The following UBE2N variants were observed in gnomAD, a reference collection of about 807,000 sequenced individuals.
UBE2N encodes the protein ubiquitin-conjugating enzyme E2 N.
For missense variants in UBE2N, 60 were observed against 192.1 expected, an observed-to-expected ratio of 0.31 and a Z score of 4.07; for synonymous variants, 70 against 69.2, an observed-to-expected ratio of 1.01 and a Z score of -0.06.
At chr12:93,414,966 T>G (rs991566181) in intron 1 of UBE2N, among the ~76,000 whole-genome samples, 2 of 152,246 alleles carry the variant, frequency 1.3e-5, no homozygotes, top group Non-Finnish European at 2.9e-5. Context: ...ATTCTGAATC[T>G]ATTTGATGTT....
chr12:93,430,057 C>T (rs1878714074), intron 1 of UBE2N, among the ~76,000 whole-genome samples: 1 of 152,198 alleles, frequency 6.6e-6, no homozygotes, highest in South Asian at 2.1e-4. Context: ...TCACCACTCA[C>T]TCACCCAGGG....
intron 1 of UBE2N, among the ~76,000 whole-genome samples, chr12:93,426,112 T>C (rs1176415093): frequency 6.6e-6 from 1 of 152,198 alleles, no homozygotes; most frequent in African/African-American, 2.4e-5. Flanking sequence ...TACTCTTCTG[T>C]GATTTCAGAT....
chr12:93,431,032 G>T (rs931679217), intron 1 of UBE2N, among the ~76,000 whole-genome samples: 8 of 151,518 alleles, frequency 5.3e-5, no homozygotes, highest in Non-Finnish European at 7.4e-5. Context: ...TTCGAGACCA[G>T]CCTGGCCAAC....
At chr12:93,417,978 C>CTA (rs959258521) in intron 1 of UBE2N, among the ~76,000 whole-genome samples, 1 of 152,078 alleles carries the variant, frequency 6.6e-6, no homozygotes, top group African/African-American at 2.4e-5. Flanking sequence ...AGTTCACCCT[C>CTA]TATATATATA....
At chr12:93,415,482 A>G (rs1431307756) in intron 1 of UBE2N, among the ~76,000 whole-genome samples, 2 of 152,244 alleles carry the variant, frequency 1.3e-5, no homozygotes, top group Non-Finnish European at 2.9e-5. Flanking sequence ...GGTTCAAACT[A>G]AAACATTTTT....
intron 1 of UBE2N, among the ~76,000 whole-genome samples, chr12:93,411,815 T>A (rs1878039522): frequency 6.6e-6 from 1 of 152,090 alleles, no homozygotes; most frequent in Non-Finnish European, 1.5e-5. Context: ...CAACTCGGCC[T>A]CCTGAGTAGC....
intron 1 of UBE2N, among the ~76,000 whole-genome samples, chr12:93,413,157 G>C (rs1478277080): frequency 6.6e-6 from 1 of 152,178 alleles, no homozygotes; most frequent in Admixed American, 6.5e-5. Flanking sequence ...CAAATGTCCA[G>C]TGCTTAATCT....
At chr12:93,415,020 CATT>C (rs1878160276) in intron 1 of UBE2N, among the ~76,000 whole-genome samples, 1 of 152,108 alleles carries the variant, frequency 6.6e-6, no homozygotes, top group Non-Finnish European at 1.5e-5. Context: ...TCGTTAACAT[CATT>C]AAGGCAGGGT....
intron 1 of UBE2N, among the ~76,000 whole-genome samples, chr12:93,436,205 A>T (rs1878930528): frequency 6.6e-6 from 1 of 152,132 alleles, no homozygotes; most frequent in African/African-American, 2.4e-5. Flanking sequence ...GGGCCAAACC[A>T]ATCCTCCCAC....
intron 1 of UBE2N, among the ~76,000 whole-genome samples, chr12:93,441,527 G>A (rs911974512): frequency 3.9e-5 from 6 of 151,906 alleles, no homozygotes; most frequent in African/African-American, 1.5e-4. Context: ...GGTCTCAGAA[G>A]CTATGGAGGC....
At chr12:93,428,038 C>G (rs1419685910) in intron 1 of UBE2N, among the ~76,000 whole-genome samples, 2 of 152,164 alleles carry the variant, frequency 1.3e-5, no homozygotes, top group Non-Finnish European at 2.9e-5. Context: ...ATTTCACCCT[C>G]CCAACTAGTA....
At chr12:93,416,269 CTT>C (rs750360592) in intron 1 of UBE2N, among the ~76,000 whole-genome samples, 8 of 152,270 alleles carry the variant, frequency 5.3e-5, no homozygotes, top group Non-Finnish European at 1.0e-4. Context: ...CTGATGTCAA[CTT>C]TTTTCCTAAA....
At chr12:93,419,096 T>C (rs1471488595) in intron 1 of UBE2N, among the ~76,000 whole-genome samples, 2 of 152,202 alleles carry the variant, frequency 1.3e-5, no homozygotes, top group Non-Finnish European at 2.9e-5. Flanking sequence ...CCTCAAAAAA[T>C]TCTATACAAA....
At chr12:93,440,449 A>G (rs772708430) in intron 1 of UBE2N, among the ~76,000 whole-genome samples, 1 of 152,216 alleles carries the variant, frequency 6.6e-6, no homozygotes, top group Non-Finnish European at 1.5e-5. Context: ...AAGAATTTCT[A>G]CCATACAAAA....
chr12:93,412,530 A>G (rs1213709809), intron 1 of UBE2N, among the ~76,000 whole-genome samples: 1 of 152,240 alleles, frequency 6.6e-6, no homozygotes, highest in Non-Finnish European at 1.5e-5. Flanking sequence ...TAGTAAAGCC[A>G]TTTTTACTTC....
At chr12:93,433,395 A>C (rs994193033) in intron 1 of UBE2N, among the ~76,000 whole-genome samples, 9 of 152,140 alleles carry the variant, frequency 5.9e-5, no homozygotes, top group African/African-American at 2.2e-4. Context: ...TAGGGCCATC[A>C]ATCACTTCAC....
chr12:93,426,830 G>A (rs1305309252), intron 1 of UBE2N, among the ~76,000 whole-genome samples: 4 of 152,132 alleles, frequency 2.6e-5, no homozygotes, highest in African/African-American at 9.7e-5. Context: ...AACTGCGAGA[G>A]ACGACAGTGC....
chr12:93,436,856 C>A (rs1422808053), intron 1 of UBE2N, among the ~76,000 whole-genome samples: 1 of 152,198 alleles, frequency 6.6e-6, no homozygotes, highest in African/African-American at 2.4e-5. Flanking sequence ...TACTAAGACT[C>A]AATATCACTC....
At position 93,410,006 on chromosome 12, in the gene UBE2N, G is replaced by C. The variant is rs1228428281; in HGVS notation, c.*33C>G. 1.9e-6 allele frequency: 3 copies of C among 1,607,222 alleles called. No individual in the cohort carries two copies. The highest frequency in any genetic ancestry group is 4.5e-5 in the East Asian group (2 of 44,692). On this transcript the variant is annotated 3_prime_UTR_variant, in exon 4 of 4. Transcript: ENST00000318066. ...AGAGGAGGAAGTCTTGGCAGAACAG[G>C]AGAAGTGATGCACACTTGATGATCG... is the stretch of plus-strand genomic sequence containing the variant.
Sources: gnomAD v4.1 joint callset for allele counts (sites outside exome capture counted in the v4.1 genomes callset) on GRCh38, gnomAD v4.1.1 for gene constraint, MANE v1.5 for transcripts, NCBI Gene and HGNC (gene_info 2026-07-23, HGNC 2026-07-21) for gene names.